The following DIP2C variants were observed in gnomAD, a reference collection of about 807,000 sequenced individuals.
DIP2C encodes the protein DIP2 acetate--CoA ligase C (putative), also known as disco-interacting protein 2 homolog C.
A neutral mutation model predicts 192.4 loss-of-function variants in DIP2C; 33 were observed. The observed-to-expected ratio is 0.17, with a 90% CI of 0.13 to 0.23. DIP2C has a LOEUF of 0.23. Among genes scored for constraint, DIP2C ranks in the 10% least tolerant of loss-of-function variants. The pLI, the probability that DIP2C is intolerant of heterozygous loss-of-function variation, is 1.00. For missense variants in DIP2C, 1,537 were observed against 2,110.1 expected, an observed-to-expected ratio of 0.73 and a Z score of 5.32; for synonymous variants, 979 against 864.1, an observed-to-expected ratio of 1.13 and a Z score of -2.33.
At chr10:340,182 A>C (rs973537897) in intron 29 of DIP2C, among the ~76,000 whole-genome samples, 1 of 151,934 alleles carries the variant, frequency 6.6e-6, no homozygotes. Flanking sequence ...CTGTCTCAAA[A>C]AAAAAAAAAG....
chr10:393,786 A>AAG (rs1221546652), intron 10 of DIP2C, among the ~76,000 whole-genome samples: 1 of 146,470 alleles, frequency 6.8e-6, no homozygotes, highest in Non-Finnish European at 1.5e-5. Context: ...CTCAAAAAAA[A>AAG]AAAAAAAAAA....
At chr10:628,105 C>T (rs745644131) in intron 1 of DIP2C, among the ~76,000 whole-genome samples, 1 of 152,232 alleles carries the variant, frequency 6.6e-6, no homozygotes, top group African/African-American at 2.4e-5. Flanking sequence ...CCTTTCCTAC[C>T]TAACCAAGCA....
intron 3 of DIP2C, 90 bp downstream of exon 3, chr10:472,349 G>T: frequency 8.1e-7 from 1 of 1,237,072 alleles, no homozygotes; most frequent in Non-Finnish European, 1.2e-6. Flanking sequence ...CACGCCCACT[G>T]CACTTCTGCC....
rs549024762 is a variant in DIP2C at position 560,382 on chromosome 10, T to TA, written c.86-73853dup. 4.8e-3 allele frequency among the ~76,000 whole-genome samples: 694 copies of TA among 145,458 alleles called. 2 individuals carry two copies. Among genetic ancestry groups the TA allele is most frequent in the Middle Eastern group, 0.014 (4 of 284 alleles). On this transcript the variant is annotated intron_variant, in intron 1 of 36. Coordinates refer to ENST00000280886, the MANE Select transcript of DIP2C (RefSeq NM_014974.3). ...AAGAGACAAGCTAAACACAACCATT[T>TA]AAAAAAAAAAAGAAAAAAGTGTCAC...
intron 1 of DIP2C, among the ~76,000 whole-genome samples, chr10:498,547 G>A (rs1207759439): frequency 6.6e-6 from 1 of 152,204 alleles, no homozygotes; most frequent in African/African-American, 2.4e-5. Flanking sequence ...CTGCCCAGGG[G>A]GCTCTCTCTT....
At position 365,050 on chromosome 10, in the gene DIP2C, T is replaced by C. The variant is rs968430085; in HGVS notation, c.2269-468A>G. On this transcript the variant is annotated intron_variant, in intron 19 of 36. Coordinates refer to ENST00000280886, the MANE Select transcript of DIP2C (RefSeq NM_014974.3). ...AAAAGAAAAATATTAAGGAAGCAAA[T>C]CAGATCAGTTCAAACTCTAACCCTC... is the stretch of plus-strand genomic sequence containing the variant. 3 of 525,612 alleles carry C rather than the reference T, an allele frequency of 5.7e-6. No individual in the cohort carries two copies. In the African/African-American group the frequency reaches 5.8e-5, roughly 10 times the overall value. 32.6% of individuals were successfully genotyped at this position (525,612 alleles called of 1,614,324 possible).
chr10:510,009 G>A (rs1187132480), intron 1 of DIP2C, among the ~76,000 whole-genome samples: 1 of 152,230 alleles, frequency 6.6e-6, no homozygotes, highest in East Asian at 1.9e-4. Flanking sequence ...GAACCACGGG[G>A]TGCAGCGCGG....
chr10:390,886 T>C (rs371183899), intron 10 of DIP2C, 23 bp from the exon 11 acceptor site: 64 of 1,612,080 alleles, frequency 4.0e-5, no homozygotes, highest in Middle Eastern at 3.3e-4. Context: ...CAGAGAGGAG[T>C]TGAGAATCCA....
intron 1 of DIP2C, among the ~76,000 whole-genome samples, chr10:491,199 A>C (rs114933100): frequency 0.016 from 2,449 of 152,290 alleles, 69 homozygotes; most frequent in African/African-American, 0.055. Flanking sequence ...GCGTGACCCT[A>C]GGGGATGAAA....
intron 17 of DIP2C, among the ~76,000 whole-genome samples, chr10:377,800 G>A (rs1485704823): frequency 6.6e-6 from 1 of 152,208 alleles, no homozygotes; most frequent in East Asian, 1.9e-4. Context: ...TCAAAAACTA[G>A]AAGATGGTTG....
chr10:543,005 A>T (rs1848090101), intron 1 of DIP2C, among the ~76,000 whole-genome samples: 1 of 152,218 alleles, frequency 6.6e-6, no homozygotes, highest in African/African-American at 2.4e-5. Context: ...AGGAAAAGTC[A>T]AACATTGAGT....
intron 1 of DIP2C, among the ~76,000 whole-genome samples, chr10:626,536 G>T (rs1247213109): frequency 6.6e-6 from 1 of 150,722 alleles, no homozygotes; most frequent in South Asian, 2.1e-4. Flanking sequence ...TCACCTCCAG[G>T]CCCCTCTCCT....
chr10:367,275 GGC>G, intron 18 of DIP2C, among the ~76,000 whole-genome samples: 1 of 152,234 alleles, frequency 6.6e-6, no homozygotes, highest in Non-Finnish European at 1.5e-5. Flanking sequence ...AAAGTAGCCG[GGC>G]GCAGTGGCGG....
chr10:579,371 G>A (rs1288921574), intron 1 of DIP2C, among the ~76,000 whole-genome samples: 2 of 151,550 alleles, frequency 1.3e-5, no homozygotes, highest in African/African-American at 4.9e-5. Flanking sequence ...GTACAAACAA[G>A]TTCACTATGT....
intron 1 of DIP2C, among the ~76,000 whole-genome samples, chr10:574,110 T>G (rs1849996911): frequency 6.6e-6 from 1 of 152,254 alleles, no homozygotes; most frequent in Non-Finnish European, 1.5e-5. Flanking sequence ...TTTTGCCACG[T>G]TCTGATGCAT....
intron 7 of DIP2C, among the ~76,000 whole-genome samples, chr10:415,126 T>C (rs909825112): frequency 1.3e-5 from 2 of 151,856 alleles, no homozygotes; most frequent in African/African-American, 2.4e-5. Flanking sequence ...CTAAAATCAG[T>C]GCATCATAAA....
At chr10:529,129 C>G (rs1413902763) in intron 1 of DIP2C, among the ~76,000 whole-genome samples, 1 of 152,200 alleles carries the variant, frequency 6.6e-6, no homozygotes, top group Non-Finnish European at 1.5e-5. Context: ...ATCCCACAAT[C>G]TGAACATTCT....
intron 17 of DIP2C, among the ~76,000 whole-genome samples, chr10:377,901 T>C (rs796529331): frequency 1.3e-5 from 2 of 152,232 alleles, no homozygotes; most frequent in South Asian, 2.1e-4. Flanking sequence ...TATCAGGGTA[T>C]CCAAATAGTA....
intron 1 of DIP2C, chr10:662,833 G>A (rs1856842624): frequency 4.2e-6 from 3 of 717,366 alleles, no homozygotes; most frequent in Non-Finnish European, 7.8e-6. Flanking sequence ...TGTGGTTGAG[G>A]AAAGAGGCCA....
Sources: gnomAD v4.1 joint callset for allele counts (sites outside exome capture counted in the v4.1 genomes callset) on GRCh38, gnomAD v4.1.1 for gene constraint, MANE v1.5 for transcripts, NCBI Gene and HGNC (gene_info 2026-07-23, HGNC 2026-07-21) for gene names.